The following SGCD variants were observed in gnomAD, a reference collection of about 807,000 sequenced individuals.
SGCD encodes sarcoglycan delta.
In SGCD, 18 loss-of-function variants were observed where a neutral mutation model predicts 36.6. That is an observed-to-expected ratio of 0.49 (90% CI 0.34 to 0.73). The LOEUF is 0.73. SGCD is among the 30% of genes least tolerant of loss of function. The pLI is 0.01. For missense variants in SGCD, 387 were observed against 346.7 expected, an observed-to-expected ratio of 1.12 and a Z score of -0.92; for synonymous variants, 133 against 130.6, an observed-to-expected ratio of 1.02 and a Z score of -0.12.
intron 7 of SGCD, among the ~76,000 whole-genome samples, chr5:156,679,922 A>G (rs1313489694): frequency 6.6e-6 from 1 of 152,224 alleles, no homozygotes; most frequent in African/African-American, 2.4e-5. Context: ...CCAGCTGCCT[A>G]TCAAAGTATT....
rs962677429 is a variant in SGCD, at chr5:156,124,768, T to A, written c.-44+749T>A. ...AGAGTGTTGGGGAGGGAGGGACAGA[T>A]GGAGGGAGGGGAGAGAGAGAATGCT... On this transcript the variant is annotated intron_variant, in intron 3 of 9. Coordinates refer to the SGCD transcript ENST00000517913. Among the ~76,000 whole-genome samples, 5 of 151,762 alleles carry A rather than the reference T, an allele frequency of 3.3e-5. No homozygotes were observed. In the South Asian group the frequency reaches 1.0e-3, roughly 32 times the overall value.
chr5:156,472,463 T>A (rs55820495), intron 3 of SGCD, among the ~76,000 whole-genome samples: 1 of 151,930 alleles, frequency 6.6e-6, no homozygotes, highest in African/African-American at 2.4e-5. Flanking sequence ...TGTAACCCAG[T>A]CTGGAGTGCA....
rs12109261 is a variant in SGCD, at chr5:156,630,229, C to G, written c.503-17235C>G. 5.1e-3 allele frequency among the ~76,000 whole-genome samples: 771 copies of G among 152,238 alleles called. 5 individuals carry two copies. The highest frequency in any genetic ancestry group is 0.017 in the African/African-American group (721 of 41,546). On this transcript the variant is annotated intron_variant, in intron 6 of 8. Coordinates refer to ENST00000337851, the MANE Select transcript of SGCD (RefSeq NM_000337.6). ...AATACAAATGCCAAAGACTGGAAAT[C>G]TAAACTGTGAGAGGTATAAGAGCAT... is the stretch of plus-strand genomic sequence containing the variant.
chr5:155,968,615 T>C (rs1757948128), intron 1 of SGCD, among the ~76,000 whole-genome samples: 1 of 152,220 alleles, frequency 6.6e-6, no homozygotes, highest in Non-Finnish European at 1.5e-5. Flanking sequence ...TATGTACATA[T>C]AAGAAAATAA....
intron 1 of SGCD, among the ~76,000 whole-genome samples, chr5:155,994,649 C>T (rs1581032524): frequency 6.6e-6 from 1 of 152,268 alleles, no homozygotes; most frequent in Non-Finnish European, 1.5e-5. Flanking sequence ...TTTTTTAAGA[C>T]ATAATCAATA....
chr5:156,398,206 A>G (rs1308071477), intron 3 of SGCD, among the ~76,000 whole-genome samples: 1 of 152,206 alleles, frequency 6.6e-6, no homozygotes, highest in Non-Finnish European at 1.5e-5. Context: ...TGCAAGTGTT[A>G]ATCAGAGTAA....
intron 1 of SGCD, among the ~76,000 whole-genome samples, chr5:156,079,602 A>C (rs1038949497): frequency 6.6e-6 from 1 of 152,180 alleles, no homozygotes; most frequent in Non-Finnish European, 1.5e-5. Context: ...TAGCCAAAAG[A>C]AAGGGGCTAC....
intron 1 of SGCD, among the ~76,000 whole-genome samples, chr5:156,115,919 A>G (rs972272567): frequency 1.3e-5 from 2 of 152,120 alleles, no homozygotes; most frequent in Non-Finnish European, 2.9e-5. Flanking sequence ...GTTTTTGATC[A>G]CACGTAGCTT....
chr5:155,972,937 T>C (rs1443589467), intron 1 of SGCD, among the ~76,000 whole-genome samples: 1 of 152,180 alleles, frequency 6.6e-6, no homozygotes, highest in Non-Finnish European at 1.5e-5. Context: ...ACTCTTTAGA[T>C]ATTAACCCTA....
intron 1 of SGCD, among the ~76,000 whole-genome samples, chr5:155,993,841 G>A (rs370790383): frequency 6.0e-4 from 92 of 152,206 alleles, no homozygotes; most frequent in African/African-American, 2.1e-3. Flanking sequence ...AGTGCACAGC[G>A]TTTTTATGAC....
At chr5:155,905,449 T>C (rs1580982729) in intron 1 of SGCD, among the ~76,000 whole-genome samples, 1 of 152,108 alleles carries the variant, frequency 6.6e-6, no homozygotes, top group Admixed American at 6.6e-5. Flanking sequence ...TTAGAGGGAC[T>C]CTTAGGCCCA....
At chr5:156,361,001 C>A (rs888190252) in intron 3 of SGCD, among the ~76,000 whole-genome samples, 3 of 152,124 alleles carry the variant, frequency 2.0e-5, no homozygotes, top group South Asian at 2.1e-4. Context: ...GAGCTGCTAA[C>A]ACACTGCCAC....
At chr5:156,567,441 T>C (rs1341284598) in intron 4 of SGCD, among the ~76,000 whole-genome samples, 3 of 151,504 alleles carry the variant, frequency 2.0e-5, no homozygotes, top group Admixed American at 2.0e-4. Flanking sequence ...TGGTAGCTCA[T>C]GTGATTATGG....
In SGCD at chr5:156,741,698, G is replaced by A. The variant is rs187802294; in HGVS notation, c.576-15883G>A. 6.9e-3 allele frequency among the ~76,000 whole-genome samples: 1,046 copies of A among 152,190 alleles called. 5 individuals carry two copies. The highest frequency in any genetic ancestry group is 0.012 in the Non-Finnish European group (786 of 67,998). On this transcript the variant is annotated intron_variant, in intron 7 of 8. Coordinates refer to ENST00000337851, the MANE Select transcript of SGCD (RefSeq NM_000337.6). Reference sequence around the variant, plus strand: ...GGAACTCTGGTCAGGGCTTTGCCTCGTGTCTAACTATAGAAATGACAGCAT... The same window carrying A: ...GGAACTCTGGTCAGGGCTTTGCCTCATGTCTAACTATAGAAATGACAGCAT...
intron 6 of SGCD, among the ~76,000 whole-genome samples, chr5:156,642,501 G>A (rs1245480959): frequency 4.1e-5 from 4 of 96,466 alleles, no homozygotes; most frequent in African/African-American, 1.7e-4. Context: ...ACGGAGTCTT[G>A]TTCTGTCTCC....
chr5:156,364,827 A>G (rs1306953441), intron 3 of SGCD, among the ~76,000 whole-genome samples: 2 of 152,204 alleles, frequency 1.3e-5, no homozygotes, highest in East Asian at 1.9e-4. Context: ...CCAAATAAGT[A>G]TCTTTGCCAT....
chr5:155,836,478 C>T, the SGCD span, among the ~76,000 whole-genome samples: 1 of 150,288 alleles, frequency 6.7e-6, no homozygotes, highest in African/African-American at 2.5e-5. Context: ...CCACCCCCGC[C>T]CCGCACTCAA....
chr5:155,947,415 T>TA (rs1446185846), intron 1 of SGCD, among the ~76,000 whole-genome samples: 5 of 151,674 alleles, frequency 3.3e-5, no homozygotes, highest in Non-Finnish European at 5.9e-5. Flanking sequence ...ACAGTTTTCC[T>TA]AAAAAAAGAT....
Position 156,712,466 on chromosome 5 carries a change from T to C in SGCD, c.576-45115T>C, listed in dbSNP as rs149165458. Among the ~76,000 whole-genome samples the C allele has an allele frequency of 2.0e-3, 305 of 152,344 alleles. 2 individuals are homozygous for C. Among genetic ancestry groups the C allele is most frequent in the Middle Eastern group, 0.014 (4 of 294 alleles). On this transcript the variant is annotated intron_variant, in intron 7 of 8. Coordinates refer to ENST00000337851, the MANE Select transcript of SGCD (RefSeq NM_000337.6). Reference sequence around the variant, plus strand: ...AAGTTTATTTTCCCAAACAAGGTAATGTTTCCATTTAACTATACCAATCGA... The same window carrying C: ...AAGTTTATTTTCCCAAACAAGGTAACGTTTCCATTTAACTATACCAATCGA...
Sources: allele counts gnomAD v4.1 joint callset (sites outside exome capture counted in the v4.1 genomes callset), GRCh38; gene constraint gnomAD v4.1.1; transcripts MANE v1.5; gene names NCBI Gene and HGNC (gene_info 2026-07-23, HGNC 2026-07-21).